The following IKZF1 variants were observed in gnomAD, a reference collection of about 807,000 sequenced individuals.
The protein encoded by IKZF1 is IKAROS family zinc finger 1, also known as DNA-binding protein Ikaros.
IKZF1 carries 10 observed loss-of-function variants against 51.7 expected under a neutral mutation model. The ratio of observed to expected loss-of-function variants is 0.19; its 90% CI spans 0.12 to 0.33. The LOEUF is 0.33. Among genes scored for constraint, IKZF1 ranks in the 10% least tolerant of loss-of-function variants. IKZF1 has a pLI of 1.00. For missense variants in IKZF1, 484 were observed against 707.5 expected (o/e 0.68, Z 3.58); for synonymous variants, 280 against 282.3 (o/e 0.99, Z 0.08).
At chr7:50,368,474 A>C in intron 3 of IKZF1, 2 of 606,346 alleles carry the variant, frequency 3.3e-6, no homozygotes, top group East Asian at 5.5e-5. Flanking sequence ...GGACAGGAGA[A>C]GGAGATATGC....
At chr7:50,371,024 C>G (rs183457670) in intron 3 of IKZF1, among the ~76,000 whole-genome samples, 64 of 152,296 alleles carry the variant, frequency 4.2e-4, no homozygotes, top group African/African-American at 1.4e-3. Flanking sequence ...TCCATAGAGA[C>G]AGCATCCATG....
At chr7:50,360,045 G>A (rs943396395) in intron 3 of IKZF1, among the ~76,000 whole-genome samples, 43 of 152,158 alleles carry the variant, frequency 2.8e-4, no homozygotes, top group African/African-American at 8.0e-4. Flanking sequence ...ACCCATGGCC[G>A]AGAGCGGCGG....
intron 3 of IKZF1, chr7:50,368,165 T>C (rs1188045951): frequency 1.4e-6 from 1 of 703,448 alleles, no homozygotes; most frequent in Non-Finnish European, 2.6e-6. Context: ...CCGAGATACA[T>C]TAAATATTCA....
intron 3 of IKZF1, among the ~76,000 whole-genome samples, chr7:50,339,593 T>C (rs1798603099): frequency 6.6e-6 from 1 of 150,850 alleles, no homozygotes; most frequent in African/African-American, 2.4e-5. Context: ...TACTAAAATA[T>C]GAAAAAAAAA....
rs1336453878 is a variant in IKZF1 at position 50,401,388 on chromosome 7, C to T, written c.*761C>T. ...CTGAGCCTCCCGAGGCTTGCTGCCC[C>T]GTAGGAGGAGACTGTCTTCCCGTGG... On this transcript the variant is annotated 3_prime_UTR_variant, in exon 8 of 8. Coordinates refer to ENST00000331340, the MANE Select transcript of IKZF1 (RefSeq NM_006060.6). 4.0e-5 allele frequency: 9 copies of T among 227,560 alleles called. No homozygotes were observed. Among genetic ancestry groups the T allele is most frequent in the Non-Finnish European group, 6.1e-5 (7 of 114,452 alleles). 14.1% of individuals were successfully genotyped at this position (227,560 alleles called of 1,614,324 possible).
intron 1 of IKZF1, among the ~76,000 whole-genome samples, chr7:50,305,163 C>G (rs1788487782): frequency 6.6e-6 from 1 of 152,246 alleles, no homozygotes; most frequent in East Asian, 1.9e-4. Context: ...CCGCTGTCAC[C>G]AGGAGAGGAG....
At chr7:50,312,236 G>A (rs1012197438) in intron 1 of IKZF1, among the ~76,000 whole-genome samples, 1 of 152,166 alleles carries the variant, frequency 6.6e-6, no homozygotes, top group Non-Finnish European at 1.5e-5. Flanking sequence ...AATCAGAAGA[G>A]GGCCTGTAAA....
chr7:50,342,502 T>C (rs1216449349), intron 3 of IKZF1, among the ~76,000 whole-genome samples: 1 of 152,210 alleles, frequency 6.6e-6, no homozygotes, highest in Non-Finnish European at 1.5e-5. Flanking sequence ...GGACAGGCTG[T>C]AAGTAAACTA....
chr7:50,342,943 T>A (rs1431668118), intron 3 of IKZF1, among the ~76,000 whole-genome samples: 1 of 152,250 alleles, frequency 6.6e-6, no homozygotes, highest in Non-Finnish European at 1.5e-5. Context: ...GAAGCTTTGA[T>A]TGGGCCGTTA....
rs189199296 is a variant in IKZF1 at position 50,371,214 on chromosome 7, G to A, written c.161-5319G>A. On this transcript the variant is annotated intron_variant, in intron 3 of 7. Coordinates refer to ENST00000331340, the MANE Select transcript of IKZF1 (RefSeq NM_006060.6). ...TTGCATATCCCTTGGGATGGGTTCC[G>A]GGGTATTATGGAGCTGCCAGGAGGT... Among the ~76,000 whole-genome samples the A allele has an allele frequency of 2.4e-3, 367 of 152,294 alleles. 1 individual carries two copies. Among genetic ancestry groups the A allele is most frequent in the Non-Finnish European group, 3.8e-3 (259 of 68,024 alleles).
intron 2 of IKZF1, among the ~76,000 whole-genome samples, chr7:50,326,581 A>T (rs1048089237): frequency 2.0e-4 from 30 of 152,226 alleles, no homozygotes; most frequent in African/African-American, 7.0e-4. Context: ...GATTCCTCAG[A>T]GTAGGAGTGA....
intron 4 of IKZF1, among the ~76,000 whole-genome samples, chr7:50,378,834 G>A (rs55928185): frequency 0.035 from 5,382 of 152,264 alleles, 229 homozygotes; most frequent in African/African-American, 0.1. Context: ...CACACTTGAA[G>A]CAATGAACTC....
At chr7:50,329,414 G>A (rs1795923533) in intron 3 of IKZF1, among the ~76,000 whole-genome samples, 1 of 152,122 alleles carries the variant, frequency 6.6e-6, no homozygotes, top group Non-Finnish European at 1.5e-5. Context: ...AAAGGATCAT[G>A]TTTCATTTTA....
intron 3 of IKZF1, among the ~76,000 whole-genome samples, chr7:50,345,908 T>C (rs1482738403): frequency 6.6e-6 from 1 of 152,184 alleles, no homozygotes. Context: ...CCGGGTGCAG[T>C]GGCAGTTCTG....
At chr7:50,391,441 TC>T (rs1357599716) in intron 6 of IKZF1, among the ~76,000 whole-genome samples, 3 of 152,234 alleles carry the variant, frequency 2.0e-5, no homozygotes, top group African/African-American at 7.2e-5. Context: ...CAATACTTAA[TC>T]CCAGTCCAGC....
chr7:50,314,383 T>A (rs763635739), intron 1 of IKZF1, among the ~76,000 whole-genome samples: 4 of 152,232 alleles, frequency 2.6e-5, no homozygotes, highest in Non-Finnish European at 5.9e-5. Flanking sequence ...GTGCTGGGAT[T>A]ACTGGCATGA....
At chr7:50,324,373 C>T (rs1009931435) in intron 2 of IKZF1, among the ~76,000 whole-genome samples, 1 of 152,180 alleles carries the variant, frequency 6.6e-6, no homozygotes, top group African/African-American at 2.4e-5. Flanking sequence ...CTTGAATTAA[C>T]ACAGGGCCCT....
At chr7:50,393,109 G>A (rs1434642715) in intron 7 of IKZF1, among the ~76,000 whole-genome samples, 1 of 152,172 alleles carries the variant, frequency 6.6e-6, no homozygotes, top group African/African-American at 2.4e-5. Flanking sequence ...CTGGAAAAGG[G>A]AGACTGTGGA....
intron 2 of IKZF1, among the ~76,000 whole-genome samples, chr7:50,322,736 G>A (rs527821366): frequency 1.3e-5 from 2 of 152,302 alleles, no homozygotes; most frequent in African/African-American, 4.8e-5. Context: ...CGGTGGGAAA[G>A]TGAAGGATGT....
Sources: gnomAD v4.1 joint callset for allele counts (sites outside exome capture counted in the v4.1 genomes callset) on GRCh38, gnomAD v4.1.1 for gene constraint, MANE v1.5 for transcripts, NCBI Gene and HGNC (gene_info 2026-07-23, HGNC 2026-07-21) for gene names.